The following SPTAN1 variants were observed in gnomAD, a reference collection of about 807,000 sequenced individuals.
The protein encoded by SPTAN1 is spectrin alpha, non-erythrocytic 1, also known as spectrin alpha chain, non-erythrocytic 1.
In SPTAN1, 61 loss-of-function variants were observed where a neutral mutation model predicts 331.3. That is an observed-to-expected ratio of 0.18 (90% CI 0.15 to 0.23). The LOEUF (loss-of-function observed/expected upper bound fraction) is 0.23. Ranked by LOEUF, SPTAN1 falls within the 10% of genes least tolerant of loss-of-function variation. SPTAN1 has a pLI of 1.00. For synonymous variants in SPTAN1, 1,153 were observed against 1,173.9 expected (o/e 0.98, Z 0.36); for missense variants, 2,043 against 3,147.9 (o/e 0.65, Z 8.40).
chr9:128,572,003 C>A (rs530723680), intron 3 of SPTAN1, among the ~76,000 whole-genome samples: 1 of 152,252 alleles, frequency 6.6e-6, no homozygotes, highest in South Asian at 2.1e-4. Flanking sequence ...ACCACAGGAA[C>A]GCACAAGCAC....
intron 23 of SPTAN1, 133 bp downstream of exon 23, chr9:128,593,175 G>T: frequency 1.0e-6 from 1 of 969,490 alleles, no homozygotes. Context: ...TGTCCGTGCA[G>T]CAGCTTTGGC....
intron 9 of SPTAN1, among the ~76,000 whole-genome samples, chr9:128,579,033 A>G (rs952723177): frequency 3.3e-5 from 5 of 152,204 alleles, no homozygotes; most frequent in Non-Finnish European, 5.9e-5. Context: ...AGAAAACTAT[A>G]AAACTTTGTT....
In SPTAN1 at chr9:128,593,810, T is replaced by C. The variant is rs563693374; in HGVS notation, c.3216-365T>C. 71 of 325,978 alleles carry C rather than the reference T, an allele frequency of 2.2e-4. 1 individual carries two copies. Among genetic ancestry groups the C allele is most frequent in the African/African-American group, 1.4e-3 (68 of 47,072 alleles). 20.2% of individuals were successfully genotyped at this position (325,978 alleles called of 1,614,324 possible). A position where few individuals can be genotyped will look rare whatever the true frequency, so the allele number is the denominator to read the frequency against. On this transcript the variant is annotated intron_variant, in intron 23 of 56. Transcript: ENST00000372739. ...ACAGAAAAACCCTCTGTATACATTC[T>C]GCCCAGCAAGTTCATCTCGTCTCTC... is the stretch of plus-strand genomic sequence containing the variant.
intron 56 of SPTAN1, 57 bp downstream of exon 56, chr9:128,633,012 T>G: frequency 6.2e-7 from 1 of 1,604,650 alleles, no homozygotes; most frequent in Non-Finnish European, 8.5e-7. Flanking sequence ...AAGCCAAATT[T>G]GTGGCAGAGC....
chr9:128,588,563 A>T (rs981126612), intron 20 of SPTAN1, among the ~76,000 whole-genome samples: 6 of 151,632 alleles, frequency 4.0e-5, no homozygotes, highest in Non-Finnish European at 8.8e-5. Flanking sequence ...TGCCTGCCTC[A>T]GCCTCCCAAA....
At chr9:128,605,211 A>T (rs751627937) in intron 30 of SPTAN1, 33 bp downstream of exon 30, 1 of 1,614,096 alleles carries the variant, frequency 6.2e-7, no homozygotes, top group South Asian at 1.1e-5. Context: ...TCTGTCTGGC[A>T]TTTTTGCCCC....
At chr9:128,568,720 A>G (rs780124719) in intron 2 of SPTAN1, 52 bp from the exon 3 acceptor site, 368 of 1,611,288 alleles carry the variant, frequency 2.3e-4, no homozygotes, top group Non-Finnish European at 2.9e-4. Context: ...CGGGGACAAA[A>G]TGCTGATGCT....
intron 5 of SPTAN1, among the ~76,000 whole-genome samples, chr9:128,575,933 G>A (rs1307531060): frequency 1.3e-5 from 2 of 152,102 alleles, no homozygotes; most frequent in Non-Finnish European, 2.9e-5. Flanking sequence ...TTACTTTTAG[G>A]GAAATTTGAT....
chr9:128,606,779 C>T (rs1855947762), intron 31 of SPTAN1, among the ~76,000 whole-genome samples: 1 of 152,088 alleles, frequency 6.6e-6, no homozygotes, highest in Non-Finnish European at 1.5e-5. Context: ...AGCCACTGCG[C>T]CTGGTTGTCT....
rs79604728 is a variant in SPTAN1 at position 128,568,710 on chromosome 9, C to T, written c.238-62C>T. ...AGGAGGGGAGGAACACGGGGAACAG[C>T]GGGGACAAAATGCTGATGCTGTGTG... On this transcript the variant is annotated intron_variant, in intron 2 of 56. Coordinates refer to ENST00000372739, the MANE Select transcript of SPTAN1 (RefSeq NM_001130438.3). 209 of 1,607,778 alleles carry T rather than the reference C, an allele frequency of 1.3e-4. 1 individual carries two copies. The African/African-American group carries it at 2.1e-3, about 16-fold the overall frequency.
chr9:128,582,034 CAT>C, intron 12 of SPTAN1, 142 bp downstream of exon 12: 2 of 711,644 alleles, frequency 2.8e-6, no homozygotes, highest in Non-Finnish European at 5.0e-6. Context: ...ACAAGGATGA[CAT>C]GCTATCTCGT....
chr9:128,559,058 G>T (rs1848986048), intron 1 of SPTAN1, among the ~76,000 whole-genome samples: 2 of 152,128 alleles, frequency 1.3e-5, no homozygotes, highest in South Asian at 4.1e-4. Context: ...AATTCTGAAT[G>T]CTGACTGCAG....
In SPTAN1 at chr9:128,587,717, A is replaced by T; in HGVS notation, c.2871+19A>T. 1 of 1,612,374 alleles carries T rather than the reference A, an allele frequency of 6.2e-7. No individual in the cohort carries two copies. The highest frequency in any genetic ancestry group is 1.1e-5 in the South Asian group (1 of 91,048). ...CTGCCGGGTAAACTTGTAACAGTTT[A>T]TGGGTTACTGGAGGGAGGCCTTGAA... On this transcript the variant is annotated intron_variant, in intron 20 of 56. Coordinates refer to ENST00000372739, the MANE Select transcript of SPTAN1 (RefSeq NM_001130438.3).
intron 23 of SPTAN1, 122 bp downstream of exon 23, chr9:128,593,164 C>G: frequency 9.2e-7 from 1 of 1,085,352 alleles, no homozygotes; most frequent in East Asian, 2.6e-5. Flanking sequence ...GAGGAACTGC[C>G]TGTCCGTGCA....
At position 128,577,337 on chromosome 9, in the gene SPTAN1, G is replaced by A. The variant is rs753193156; in HGVS notation, c.931-15G>A. 10 of 1,614,064 alleles carry A rather than the reference G, an allele frequency of 6.2e-6. No homozygotes were observed. Among genetic ancestry groups the A allele is most frequent in the East Asian group, 2.2e-5 (1 of 44,892 alleles). ...CAAGGGTCAGGAGAATAGTTCTGAC[G>A]GAGTTCATTTCTAGGTCAAAGCCCT... On this transcript the variant is annotated splice_polypyrimidine_tract_variant and intron_variant, in intron 7 of 56. Transcript: ENST00000372739. This position sits in a 1 kb window ranked among gnomAD's most constrained non-coding sequence, Gnocchi z 4.2.
intron 3 of SPTAN1, among the ~76,000 whole-genome samples, chr9:128,570,107 C>T (rs996874096): frequency 2.6e-5 from 4 of 151,780 alleles, no homozygotes; most frequent in East Asian, 1.9e-4. Flanking sequence ...AATCAGTCTG[C>T]GTTATTATTT....
chr9:128,615,346 C>T (rs1161887746), intron 40 of SPTAN1, among the ~76,000 whole-genome samples: 2 of 152,004 alleles, frequency 1.3e-5, no homozygotes, highest in Non-Finnish European at 2.9e-5. Flanking sequence ...AGTGAAGAAT[C>T]CACTTCTGCT....
At chr9:128,602,748 G>A (rs1354402565) in intron 27 of SPTAN1, among the ~76,000 whole-genome samples, 1 of 151,878 alleles carries the variant, frequency 6.6e-6, no homozygotes, top group Non-Finnish European at 1.5e-5. Context: ...CGATTCTCAT[G>A]CCTCAGCCTC....
At chr9:128,617,886 G>A in intron 42 of SPTAN1, 101 bp from the exon 43 acceptor site, 1 of 1,612,618 alleles carries the variant, frequency 6.2e-7, no homozygotes, top group East Asian at 2.2e-5. Context: ...TCCAAACCTG[G>A]AGAAGTCCCA....
Sources: gnomAD v4.1 joint callset for allele counts (sites outside exome capture counted in the v4.1 genomes callset) on GRCh38, gnomAD v4.1.1 for gene constraint, Gnocchi (gnomAD v3.1) non-coding constraint, MANE v1.5 for transcripts, NCBI Gene and HGNC (gene_info 2026-07-23, HGNC 2026-07-21) for gene names.